PTPN14: variants seen among roughly 807,000 people sequenced by gnomAD.
The protein encoded by PTPN14 is tyrosine-protein phosphatase non-receptor type 14.
In PTPN14, 53 loss-of-function variants were observed where a neutral mutation model predicts 126.8. The observed-to-expected ratio is 0.42, with a 90% CI of 0.34 to 0.53. The LOEUF (loss-of-function observed/expected upper bound fraction) is 0.53. Among genes scored for constraint, PTPN14 ranks in the 20% least tolerant of loss-of-function variants. The pLI, the probability that PTPN14 is intolerant of heterozygous loss-of-function variation, is 0.08. For missense variants in PTPN14, 1,257 were observed against 1,552.9 expected (o/e 0.81, Z 3.20); for synonymous variants, 630 against 599.3 (o/e 1.05, Z -0.75).
chr1:214,533,875 A>G (rs1001420544), intron 1 of PTPN14, among the ~76,000 whole-genome samples: 2 of 151,744 alleles, frequency 1.3e-5, no homozygotes, highest in African/African-American at 4.8e-5. Context: ...AAAAAGAAAA[A>G]AAAAAGTAGT....
At chr1:214,493,952 G>GA (rs1373139852) in intron 1 of PTPN14, among the ~76,000 whole-genome samples, 1 of 152,202 alleles carries the variant, frequency 6.6e-6, no homozygotes, top group Non-Finnish European at 1.5e-5. Flanking sequence ...TTCTAAAGGT[G>GA]TAGCACTCAA....
chr1:214,537,959 A>AT (rs1655747195), intron 1 of PTPN14, among the ~76,000 whole-genome samples: 1 of 152,232 alleles, frequency 6.6e-6, no homozygotes, highest in East Asian at 1.9e-4. Context: ...TAATAAATAA[A>AT]AAATTATGAG....
chr1:214,372,971 C>G (rs957605411), intron 15 of PTPN14, 132 bp from the exon 16 acceptor site: 20 of 1,286,982 alleles, frequency 1.6e-5, no homozygotes, highest in Admixed American at 1.2e-4. Flanking sequence ...GTTCAATGAA[C>G]AAAAACCCTG....
chr1:214,395,800 G>A (rs1208018575), intron 8 of PTPN14, among the ~76,000 whole-genome samples: 4 of 151,970 alleles, frequency 2.6e-5, no homozygotes, highest in East Asian at 3.9e-4. Flanking sequence ...CCCTGCCACC[G>A]CTTTTTCACT....
chr1:214,446,830 C>T (rs1207591920), intron 3 of PTPN14, among the ~76,000 whole-genome samples: 1 of 152,048 alleles, frequency 6.6e-6, no homozygotes. Context: ...TGCTATAGAA[C>T]CTGTTCTCAA....
chr1:214,523,402 T>G (rs1435752250), intron 1 of PTPN14, among the ~76,000 whole-genome samples: 1 of 152,192 alleles, frequency 6.6e-6, no homozygotes, highest in Non-Finnish European at 1.5e-5. Context: ...TTTACTGTGC[T>G]CTATGTTTCG....
At chr1:214,476,875 C>T (rs1367628894) in intron 1 of PTPN14, among the ~76,000 whole-genome samples, 4 of 152,162 alleles carry the variant, frequency 2.6e-5, no homozygotes, top group Admixed American at 6.5e-5. Context: ...TATGTGTTTG[C>T]TATCACCGCC....
intron 3 of PTPN14, among the ~76,000 whole-genome samples, chr1:214,417,338 G>A (rs545715532): frequency 5.9e-5 from 9 of 152,132 alleles, no homozygotes; most frequent in African/African-American, 1.2e-4. Flanking sequence ...TAAAAAAGGC[G>A]TCCTAATAAT....
At chr1:214,521,085 G>C (rs575796507) in intron 1 of PTPN14, among the ~76,000 whole-genome samples, 108 of 152,062 alleles carry the variant, frequency 7.1e-4, no homozygotes, top group African/African-American at 2.4e-3. Flanking sequence ...ATTTATCTTT[G>C]GAGAAATAAC....
intron 9 of PTPN14, among the ~76,000 whole-genome samples, chr1:214,394,567 T>C (rs1279643103): frequency 6.6e-6 from 1 of 151,990 alleles, no homozygotes; most frequent in African/African-American, 2.4e-5. Context: ...ACCACCATGC[T>C]TGGGTAATTT....
At chr1:214,464,252 A>C (rs1475596679) in intron 2 of PTPN14, among the ~76,000 whole-genome samples, 2 of 147,148 alleles carry the variant, frequency 1.4e-5, no homozygotes, top group Non-Finnish European at 3.0e-5. Context: ...ATGCATCCGT[A>C]TGTGGGCGTT....
chr1:214,400,003 G>C (rs1658978601), intron 7 of PTPN14, among the ~76,000 whole-genome samples: 1 of 150,742 alleles, frequency 6.6e-6, no homozygotes, highest in South Asian at 2.1e-4. Flanking sequence ...TTTTGAGCAG[G>C]GGGTTCTTCT....
chr1:214,415,504 T>C (rs17022869), intron 3 of PTPN14, among the ~76,000 whole-genome samples: 1,855 of 152,316 alleles, frequency 0.012, 47 homozygotes, highest in African/African-American at 0.042. Flanking sequence ...AACAATCACA[T>C]TTCTCTAGCA....
intron 1 of PTPN14, among the ~76,000 whole-genome samples, chr1:214,522,809 G>T (rs886096083): frequency 7.7e-4 from 117 of 152,202 alleles, no homozygotes; most frequent in African/African-American, 2.8e-3. Flanking sequence ...GAAAATAAAT[G>T]CCATGGTGTT....
chr1:214,434,921 G>A (rs1659878976), intron 3 of PTPN14, among the ~76,000 whole-genome samples: 1 of 152,176 alleles, frequency 6.6e-6, no homozygotes, highest in African/African-American at 2.4e-5. Context: ...TTGAAAGAGG[G>A]ATTCAATTTG....
At chr1:214,413,152 T>C (rs140820258) in intron 4 of PTPN14, among the ~76,000 whole-genome samples, 2,611 of 152,184 alleles carry the variant, frequency 0.017, 81 homozygotes, top group African/African-American at 0.059. Flanking sequence ...GCTGGGATTA[T>C]AGGCATAAGC....
chr1:214,373,149 G>A (rs1424645868), intron 15 of PTPN14, among the ~76,000 whole-genome samples: 2 of 152,158 alleles, frequency 1.3e-5, no homozygotes, highest in Admixed American at 1.3e-4. Flanking sequence ...CCGCCTCCTG[G>A]GTTCAAGCAA....
intron 1 of PTPN14, among the ~76,000 whole-genome samples, chr1:214,484,428 A>T (rs1427606506): frequency 6.6e-6 from 1 of 152,190 alleles, no homozygotes; most frequent in African/African-American, 2.4e-5. Context: ...AATAATAAAT[A>T]AACATGAATT....
At position 214,464,869 on chromosome 1, in the gene PTPN14, G is replaced by A; in HGVS notation, c.-66C>T. 1 of 1,574,752 alleles carries A rather than the reference G, an allele frequency of 6.4e-7. No homozygotes were observed. The highest frequency in any genetic ancestry group is 8.7e-7 in the Non-Finnish European group (1 of 1,153,872). ...ACACGCCCCTGAGATGGCCTTAGCA[G>A]TTTCGTGACTGGAAAATTACACTAT... On this transcript the variant is annotated 5_prime_UTR_variant, in exon 2 of 19. Coordinates refer to ENST00000366956, the MANE Select transcript of PTPN14 (RefSeq NM_005401.5).
Sources: gnomAD v4.1 joint callset for allele counts (sites outside exome capture counted in the v4.1 genomes callset) on GRCh38, gnomAD v4.1.1 for gene constraint, MANE v1.5 for transcripts, NCBI Gene and HGNC (gene_info 2026-07-23, HGNC 2026-07-21) for gene names.